Variants in IQCN observed in about 807,000 individuals in gnomAD.
The protein encoded by IQCN is IQ motif containing N, also known as IQ domain-containing protein N.
IQCN carries 46 observed loss-of-function variants against 64.4 expected under a neutral mutation model. The observed-to-expected ratio is 0.71, with a 90% CI of 0.56 to 0.91. The LOEUF is 0.91. Among genes scored for constraint, IQCN ranks in the 40% least tolerant of loss-of-function variants. The pLI, the probability that IQCN is intolerant of heterozygous loss-of-function variation, is 0.00. For missense variants in IQCN, 1,753 were observed against 1,857.4 expected (o/e 0.94, Z 1.03); for synonymous variants, 733 against 775.6 (o/e 0.95, Z 0.91).
intron 1 of IQCN, among the ~76,000 whole-genome samples, chr19:18,272,974 A>C (rs1969772893): frequency 6.6e-6 from 1 of 152,136 alleles, no homozygotes; most frequent in African/African-American, 2.4e-5. Flanking sequence ...ACATATTGAA[A>C]GGGTCCATTC....
Position 18,265,575 on chromosome 19 carries a change from G to C in IQCN, c.1965C>G (p.Val655=). Residue 655 remains valine, a synonymous_variant, in exon 3 of 4, where the codon GTC becomes GTG. Coordinates refer to ENST00000392413, the MANE Select transcript of IQCN (RefSeq NM_001145304.2). This position sits in a 1 kb window ranked among gnomAD's most constrained non-coding sequence, Gnocchi z 4.7. ...PHVYVPVDMA[V]TLPRGQLAAP... is the part of the protein sequence containing the mutation. ...CAGCCAGCTGTCCCCGGGGCAGGGT[G>C]ACAGCCATGTCTACAGGCACATACA... is the stretch of plus-strand genomic sequence containing the variant. 1 of 1,612,288 alleles carries C rather than the reference G, an allele frequency of 6.2e-7. No homozygotes were observed. The highest frequency in any genetic ancestry group is 8.5e-7 in the Non-Finnish European group (1 of 1,178,684).
chr19:18,264,935 G>C lies in IQCN; in HGVS notation c.2605C>G (p.Gln869Glu), dbSNP rs1320687741. ...AGCAGGGAGCCTACCGTGTCCTCCTGGCAGGGCACCGCCTGGCCGGGCATT... is the reference window on the plus strand; with the variant it reads ...AGCAGGGAGCCTACCGTGTCCTCCTCGCAGGGCACCGCCTGGCCGGGCATT... ...PSMPGQAVPC[Q>E]EDTVGSLLAS... is the part of the protein sequence containing the mutation. The change falls in exon 3 of 4, where the codon CAG becomes GAG. Residue 869 changes from glutamine (Q) to glutamate (E), a missense_variant. Gln to Glu is a conservative substitution (Grantham distance 29, BLOSUM62 2). Transcript: ENST00000392413. This position sits in a 1 kb window ranked among gnomAD's most constrained non-coding sequence, Gnocchi z 4.3. 2 of 1,612,666 alleles carry C rather than the reference G, an allele frequency of 1.2e-6. No homozygotes were observed. Among genetic ancestry groups the C allele is most frequent in the Non-Finnish European group, 1.7e-6 (2 of 1,180,014 alleles).
rs1347768743 is a variant in IQCN at position 18,261,945 on chromosome 19, G to C, written c.3177+2418C>G. 4 of 152,384 alleles carry C rather than the reference G, an allele frequency of 2.6e-5. No individual in the cohort carries two copies. In the Admixed American group the frequency reaches 2.6e-4, roughly 10 times the overall value. 9.4% of individuals were successfully genotyped at this position (152,384 alleles called of 1,614,324 possible). The stretch of plus-strand genomic sequence containing the variant: ...GCTTGGGGACACTTCAGTGGCCACA[G>C]ATAGGTAGCCTGAGCTTGGGGACAC... On this transcript the variant is annotated intron_variant, in intron 3 of 3. Coordinates refer to ENST00000392413, the MANE Select transcript of IQCN (RefSeq NM_001145304.2).
At position 18,264,330 on chromosome 19, in the gene IQCN, A is replaced by T. The variant is rs576105174; in HGVS notation, c.3177+33T>A. Reference sequence around the variant, plus strand: ...GCCCGGCAGGTTGGCCCATGGTGAAACAACCCCAGATCCCAACCTGGGAAT... The same window carrying T: ...GCCCGGCAGGTTGGCCCATGGTGAATCAACCCCAGATCCCAACCTGGGAAT... On this transcript the variant is annotated intron_variant, in intron 3 of 3. Transcript: ENST00000392413. The surrounding 1 kb of genome is among the most constrained non-coding windows in gnomAD (Gnocchi z 4.3). The T allele has an allele frequency of 6.9e-7, 1 of 1,440,622 alleles. No individual in the cohort carries two copies. Among genetic ancestry groups the T allele is most frequent in the African/African-American group, 1.4e-5 (1 of 69,944 alleles). The allele number at this position is 1,440,622 out of a possible 1,614,324, so 89.2% of individuals were successfully genotyped here.
Position 18,265,960 on chromosome 19 carries a change from T to G in IQCN, c.1580A>C (p.Asn527Thr). Reference protein sequence around the residue: ...TLCLASPTVANVKAPPQVAVA... With the variant: ...TLCLASPTVATVKAPPQVAVA... ...CGCCACTTGGGGTGGAGCCTTGACA[T>G]TTGCCACTGTTGGAGAGGCCAGACA... The change falls in exon 3 of 4, where the codon AAT becomes ACT. Residue 527 changes from asparagine to threonine, a missense_variant. By Grantham distance (65) the Asn-to-Thr change is moderately conservative (BLOSUM62 0). Transcript: ENST00000392413. This position sits in a 1 kb window ranked among gnomAD's most constrained non-coding sequence, Gnocchi z 4.7. The G allele has an allele frequency of 6.2e-7, 1 of 1,614,106 alleles. No homozygotes were observed. Among genetic ancestry groups the G allele is most frequent in the Non-Finnish European group, 8.5e-7 (1 of 1,180,000 alleles).
chr19:18,265,370 T>C lies in IQCN; in HGVS notation c.2170A>G (p.Thr724Ala), dbSNP rs768673380. The C allele has an allele frequency of 1.2e-6, 2 of 1,614,154 alleles. No homozygotes were observed. Among genetic ancestry groups the C allele is most frequent in the Non-Finnish European group, 1.7e-6 (2 of 1,180,018 alleles). The change falls in exon 3 of 4, where the codon ACA (threonine) becomes GCA (alanine). Residue 724 changes from threonine (T) to alanine (A), a missense_variant. Thr to Ala is a moderately conservative substitution (Grantham distance 58). Transcript: ENST00000392413. The surrounding 1 kb of genome is among the most constrained non-coding windows in gnomAD (Gnocchi z 4.7). ...TGGGACTGGACCTTCACGGCACCTG[T>C]GGCCAGATGTGTCTGGGAATGCATC... ...SKMHSQTHLA[T>A]GAVKVQSQAP...
At position 18,265,326 on chromosome 19, in the gene IQCN, A is replaced by G; in HGVS notation, c.2214T>C (p.Cys738=). 1 of 1,614,058 alleles carries G rather than the reference A, an allele frequency of 6.2e-7. No individual in the cohort carries two copies. Among genetic ancestry groups the G allele is most frequent in the Non-Finnish European group, 8.5e-7 (1 of 1,180,010 alleles). The change falls in exon 3 of 4, where the codon TGT becomes TGC. Residue 738 remains cysteine, a synonymous_variant. Transcript: ENST00000392413. This position sits in a 1 kb window ranked among gnomAD's most constrained non-coding sequence, Gnocchi z 4.7. ...GCCCCCGGGACTGCGTCTTGGTCAG[A>G]CAGGTGGCTAGAGGCGCTTGGGACT... ...KVQSQAPLAT[C]LTKTQSRGQP...
In IQCN at chr19:18,264,723, C is replaced by T; in HGVS notation, c.2817G>A (p.Lys939=). Residue 939 remains lysine (K), a synonymous_variant, in exon 3 of 4, where the codon AAG becomes AAA. Transcript: ENST00000392413. This position sits in a 1 kb window ranked among gnomAD's most constrained non-coding sequence, Gnocchi z 4.3. ...GGCGCAGCTCACTCCAGGACAGCGC[C>T]TTCACCAGCGCCATGCTCAGCATGC... The part of the protein sequence containing the change: ...PQSMLSMALV[K]ALSWSELRLT... 1 of 1,551,142 alleles carries T rather than the reference C, an allele frequency of 6.4e-7. No homozygotes were observed. The highest frequency in any genetic ancestry group is 8.7e-7 in the Non-Finnish European group (1 of 1,146,964).
At position 18,265,179 on chromosome 19, in the gene IQCN, G is replaced by A. The variant is rs1969529457; in HGVS notation, c.2361C>T (p.Arg787=). The A allele has an allele frequency of 6.2e-7, 1 of 1,609,702 alleles. No homozygotes were observed. Among genetic ancestry groups the A allele is most frequent in the African/African-American group, 1.3e-5 (1 of 74,930 alleles). Reference sequence around the variant, plus strand: ...AGGGTGGGGCGCTGAGGCCACCGAGGCGCTGGCAGGCGTGGTTGGACACCT... The same window carrying A: ...AGGGTGGGGCGCTGAGGCCACCGAGACGCTGGCAGGCGTGGTTGGACACCT... ...GSKVSNHACQ[R]LGGLSAPPWA... is the part of the protein sequence containing the mutation. Residue 787 remains arginine, a synonymous_variant, in exon 3 of 4, where the codon CGC becomes CGT. Coordinates refer to ENST00000392413, the MANE Select transcript of IQCN (RefSeq NM_001145304.2). This position sits in a 1 kb window ranked among gnomAD's most constrained non-coding sequence, Gnocchi z 4.7.
At position 18,266,670 on chromosome 19, in the gene IQCN, T is replaced by C. The variant is rs1032979902; in HGVS notation, c.870A>G (p.Lys290=). 4 of 1,614,012 alleles carry C rather than the reference T, an allele frequency of 2.5e-6. No individual in the cohort carries two copies. In the Admixed American group the frequency reaches 6.7e-5, roughly 27 times the overall value. ...ACAATGGTGTCTCCGGAGCCCTGGC[T>C]TTGTTGGTCCGGGCACTTACACGTT... ...KTKRVSARTN[K]ARAPETPLSR... is the part of the protein sequence containing the mutation. Residue 290 remains lysine, a synonymous_variant, in exon 3 of 4, where the codon AAA becomes AAG. Coordinates refer to ENST00000392413, the MANE Select transcript of IQCN (RefSeq NM_001145304.2). This position sits in a 1 kb window ranked among gnomAD's most constrained non-coding sequence, Gnocchi z 4.3.
chr19:18,261,126 G>A (rs1197157546), intron 3 of IQCN: 1 of 152,860 alleles, frequency 6.5e-6, no homozygotes, highest in Non-Finnish European at 1.5e-5. Context: ...GGAGGCCACT[G>A]GTGGGTAATC....
chr19:18,270,660 T>C (rs1033857638), intron 1 of IQCN, among the ~76,000 whole-genome samples: 1 of 151,698 alleles, frequency 6.6e-6, no homozygotes, highest in Non-Finnish European at 1.5e-5. Context: ...CCCTATCTCT[T>C]TTTTGTTTTT....
rs144589559 is a variant in IQCN, at chr19:18,265,191, G to A, written c.2349C>T (p.His783=). The change falls in exon 3 of 4, where the codon CAC becomes CAT. Residue 783 remains histidine (H), a synonymous_variant. Transcript: ENST00000392413. The surrounding 1 kb of genome is among the most constrained non-coding windows in gnomAD (Gnocchi z 4.7). ...VLLTGSKVSN[H]ACQRLGGLSA... ...TGAGGCCACCGAGGCGCTGGCAGGCGTGGTTGGACACCTTGGACCCTGTTA... is the reference window on the plus strand; with the variant it reads ...TGAGGCCACCGAGGCGCTGGCAGGCATGGTTGGACACCTTGGACCCTGTTA... The A allele has an allele frequency of 2.3e-4, 369 of 1,610,766 alleles. No individual in the cohort carries two copies. Among genetic ancestry groups the A allele is most frequent in the East Asian group, 6.7e-4 (30 of 44,876 alleles).
Position 18,264,233 on chromosome 19 carries a change from T to C in IQCN, c.3177+130A>G. ...TGATGACGCTACCCATCACCGAGGCTCCCACAGTGACCACAGATAAGCAGG... is the reference window on the plus strand; with the variant it reads ...TGATGACGCTACCCATCACCGAGGCCCCCACAGTGACCACAGATAAGCAGG... On this transcript the variant is annotated intron_variant, in intron 3 of 3. Coordinates refer to ENST00000392413, the MANE Select transcript of IQCN (RefSeq NM_001145304.2). This position sits in a 1 kb window ranked among gnomAD's most constrained non-coding sequence, Gnocchi z 4.3. The C allele has an allele frequency of 1.3e-6, 1 of 781,658 alleles. No individual in the cohort carries two copies. Among genetic ancestry groups the C allele is most frequent in the Non-Finnish European group, 2.0e-6 (1 of 510,046 alleles). The allele number at this position is 781,658 out of a possible 1,614,324, so 48.4% of individuals were successfully genotyped here.
At chr19:18,271,081 A>T (rs1402732795) in intron 1 of IQCN, among the ~76,000 whole-genome samples, 1 of 150,996 alleles carries the variant, frequency 6.6e-6, no homozygotes, top group Non-Finnish European at 1.5e-5. Context: ...CTGAAGCAGG[A>T]GAATCACTTG....
chr19:18,270,238 G>A (rs1969705998), intron 1 of IQCN, among the ~76,000 whole-genome samples: 1 of 151,318 alleles, frequency 6.6e-6, no homozygotes, highest in Non-Finnish European at 1.5e-5. Context: ...GTTGACGCCT[G>A]TAATTCCAGC....
chr19:18,258,272 C>T (rs1437022942), intron 3 of IQCN, 166 bp from the exon 4 acceptor site: 5 of 768,918 alleles, frequency 6.5e-6, no homozygotes, highest in African/African-American at 3.4e-5. Flanking sequence ...CCGGGGCCAG[C>T]GGAGGAATGA....
chr19:18,265,083 C>A lies in IQCN; in HGVS notation c.2457G>T (p.Gly819=). The part of the protein sequence containing the change: ...HGHVPGKTTQ[G]GPCPAACEVQ... ...CCTCACAGGCTGCCGGGCATGGTCC[C>A]CCCTGAGTGGTCTTCCCCGGCACGT... Residue 819 remains glycine (G), a synonymous_variant, in exon 3 of 4, where the codon GGG becomes GGT. Coordinates refer to ENST00000392413, the MANE Select transcript of IQCN (RefSeq NM_001145304.2). The surrounding 1 kb of genome is among the most constrained non-coding windows in gnomAD (Gnocchi z 4.7). The A allele has an allele frequency of 6.2e-7, 1 of 1,601,860 alleles. No homozygotes were observed. Among genetic ancestry groups the A allele is most frequent in the Non-Finnish European group, 8.5e-7 (1 of 1,179,828 alleles).
At position 18,274,445 on chromosome 19, in the gene IQCN, G is replaced by A. The variant is rs985971797; in HGVS notation, c.-152C>T. On this transcript the variant is annotated 5_prime_UTR_variant, in exon 1 of 4. Transcript: ENST00000392413. ...CCTAGCAGTCTGAACGGCCAGTCTT[G>A]GAGCCCTGGTGCCGCAGCAGCTTTG... The A allele has an allele frequency of 3.3e-5, 5 of 151,356 alleles. No individual in the cohort carries two copies. Among genetic ancestry groups the A allele is most frequent in the African/African-American group, 1.2e-4 (5 of 41,136 alleles). 9.4% of individuals were successfully genotyped at this position (151,356 alleles called of 1,614,324 possible). A position where few individuals can be genotyped will look rare whatever the true frequency, so the allele number is the denominator to read the frequency against.
Sources: gnomAD v4.1 joint callset for allele counts (sites outside exome capture counted in the v4.1 genomes callset) on GRCh38, gnomAD v4.1.1 for gene constraint, Gnocchi (gnomAD v3.1) non-coding constraint, MANE v1.5 for transcripts, NCBI Gene and HGNC (gene_info 2026-07-23, HGNC 2026-07-21) for gene names.